The following ANK3 variants were observed in gnomAD, a reference collection of about 807,000 sequenced individuals.
ANK3 encodes the protein ankyrin-3.
In ANK3, 57 loss-of-function variants were observed where a neutral mutation model predicts 370.9. That is an observed-to-expected ratio of 0.15 (90% CI 0.12 to 0.19). ANK3 has a LOEUF of 0.19. Ranked by LOEUF, ANK3 falls within the 10% of genes least tolerant of loss-of-function variation. The pLI, the probability that ANK3 is intolerant of heterozygous loss-of-function variation, is 1.00. For synonymous variants in ANK3, 1,929 were observed against 1,946.3 expected, an observed-to-expected ratio of 0.99 and a Z score of 0.23; for missense variants, 4,439 against 5,302.1, an observed-to-expected ratio of 0.84 and a Z score of 5.06.
At chr10:60,572,988 T>A (rs1386339076) in intron 2 of ANK3, 11 of 988,312 alleles carry the variant, frequency 1.1e-5, no homozygotes, top group Non-Finnish European at 1.3e-5. Flanking sequence ...TCCCAGGGGC[T>A]GATTTGCTGC....
At position 60,119,279 on chromosome 10, in the gene ANK3, T is replaced by C. The variant is rs183013845; in HGVS notation, c.2842-4948A>G. On this transcript the variant is annotated intron_variant, in intron 25 of 43. Coordinates refer to ENST00000280772, the MANE Select transcript of ANK3 (RefSeq NM_020987.5). Reference sequence around the variant, plus strand: ...AACCTACGGTTTTATACATAGATACTGAATTGGTATTTCATTTCCATGCTA... The same window carrying C: ...AACCTACGGTTTTATACATAGATACCGAATTGGTATTTCATTTCCATGCTA... Among the ~76,000 whole-genome samples, 212 of 152,376 alleles carry C rather than the reference T, an allele frequency of 1.4e-3. 4 individuals are homozygous for C. Among genetic ancestry groups the C allele is most frequent in the Admixed American group, 7.7e-3 (118 of 15,302 alleles).
At chr10:60,491,030 AT>A (rs2075485977) in intron 2 of ANK3, among the ~76,000 whole-genome samples, 2 of 152,340 alleles carry the variant, frequency 1.3e-5, no homozygotes, top group African/African-American at 4.8e-5. Flanking sequence ...GGAATCATAT[AT>A]TATATACCCT....
chr10:60,495,049 G>A (rs537959126), intron 2 of ANK3, among the ~76,000 whole-genome samples: 3 of 152,056 alleles, frequency 2.0e-5, no homozygotes, highest in South Asian at 2.1e-4. Context: ...ACATGTCATC[G>A]CTCATCACTC....
At position 60,389,665 on chromosome 10, in the gene ANK3, G is replaced by C; in HGVS notation, c.-127C>G. On this transcript the variant is annotated 5_prime_UTR_variant, in exon 1 of 44. Coordinates refer to ENST00000280772, the MANE Select transcript of ANK3 (RefSeq NM_020987.5). The stretch of plus-strand genomic sequence containing the variant: ...GAGAGAAAGCTTTGACTAGAAGCAG[G>C]AAGATATTCACAATGCAAAGATGCT... 6.8e-7 allele frequency: 1 copy of C among 1,480,796 alleles called. No homozygotes were observed. The highest frequency in any genetic ancestry group is 8.9e-7 in the Non-Finnish European group (1 of 1,121,748). 91.7% of individuals were successfully genotyped at this position (1,480,796 alleles called of 1,614,324 possible).
chr10:60,210,738 C>A (rs541450245), intron 9 of ANK3, among the ~76,000 whole-genome samples: 26 of 152,268 alleles, frequency 1.7e-4, no homozygotes, highest in African/African-American at 4.1e-4. Flanking sequence ...AAATAAAAAA[C>A]CAGATGAGGG....
chr10:60,135,893 A>G (rs1180239933), intron 24 of ANK3, among the ~76,000 whole-genome samples: 1 of 152,100 alleles, frequency 6.6e-6, no homozygotes, highest in Non-Finnish European at 1.5e-5. Context: ...CTTCACTTTT[A>G]TCAGAATCTC....
intron 2 of ANK3, among the ~76,000 whole-genome samples, chr10:60,566,459 T>C (rs1174244082): frequency 1.3e-5 from 2 of 152,166 alleles, no homozygotes; most frequent in Non-Finnish European, 2.9e-5. Context: ...AAATTATGAA[T>C]GCAAAAAGCA....
intron 2 of ANK3, among the ~76,000 whole-genome samples, chr10:60,564,974 G>T (rs761612145): frequency 1.3e-4 from 19 of 151,994 alleles, no homozygotes; most frequent in Non-Finnish European, 2.1e-4. Flanking sequence ...TCTCCAATTT[G>T]CCCCTTAAAA....
Position 60,366,136 on chromosome 10 carries a change from G to A in ANK3, c.114+23289C>T, listed in dbSNP as rs147334589. ...GATCATCACTTGAGGTCAGAAGTTC[G>A]AGACCAGCCTGGTCAACATGGTGAA... On this transcript the variant is annotated intron_variant, in intron 1 of 43. Transcript: ENST00000280772. Among the ~76,000 whole-genome samples the A allele has an allele frequency of 5.2e-3, 785 of 151,966 alleles. 4 individuals carry two copies. Among genetic ancestry groups the A allele is most frequent in the South Asian group, 0.011 (51 of 4,798 alleles).
intron 2 of ANK3, among the ~76,000 whole-genome samples, chr10:60,467,955 C>G (rs1402675299): frequency 1.4e-5 from 2 of 147,894 alleles, no homozygotes; most frequent in East Asian, 4.0e-4. Flanking sequence ...TTTAATATTT[C>G]AAGATAAAAT....
At chr10:60,050,018 A>C (rs2077627453) in intron 42 of ANK3, among the ~76,000 whole-genome samples, 1 of 152,214 alleles carries the variant, frequency 6.6e-6, no homozygotes, top group Admixed American at 6.5e-5. Flanking sequence ...CATAAAAGAC[A>C]AGTTCGAAGC....
At chr10:60,370,866 A>C (rs1022082195) in intron 1 of ANK3, among the ~76,000 whole-genome samples, 3 of 152,178 alleles carry the variant, frequency 2.0e-5, no homozygotes, top group Non-Finnish European at 2.9e-5. Flanking sequence ...AACATTTCTT[A>C]CTTTGCAAAC....
At chr10:60,531,035 A>G (rs1355269581) in intron 2 of ANK3, among the ~76,000 whole-genome samples, 2 of 152,128 alleles carry the variant, frequency 1.3e-5, no homozygotes, top group Non-Finnish European at 2.9e-5. Flanking sequence ...AGAATCAGTG[A>G]GAATACAAAT....
At chr10:60,140,859 A>G (rs2094530034) in intron 23 of ANK3, 2 of 988,668 alleles carry the variant, frequency 2.0e-6, no homozygotes, top group African/African-American at 3.5e-5. Flanking sequence ...GTAGGGAGAG[A>G]GCGAAGTGCT....
chr10:60,589,895 C>G (rs376120692), intron 2 of ANK3, among the ~76,000 whole-genome samples: 7 of 152,142 alleles, frequency 4.6e-5, no homozygotes, highest in Non-Finnish European at 1.0e-4. Flanking sequence ...GAAGAAATAG[C>G]CTTCCTTTCA....
chr10:60,353,084 G>A (rs10740026), intron 1 of ANK3, among the ~76,000 whole-genome samples: 110,245 of 151,534 alleles, frequency 0.73, 40,634 homozygotes, highest in South Asian at 0.92. Context: ...CCCCAGCTCA[G>A]GCCATCCTCC....
Position 60,075,509 on chromosome 10 carries a change from G to C in ANK3, c.5372C>G (p.Ser1791Cys). The change falls in exon 37 of 44, where the codon TCT becomes TGT. Residue 1791 changes from serine (S) to cysteine (C), a missense_variant. Around this residue, in one of 13 missense-constraint regions of ANK3, gnomAD observed 679 missense variants for 791.0 expected, o/e 0.86. Transcript: ENST00000280772. ...YVSAAPSAFQ[S>C]LRTPSASALY... is the part of the protein sequence containing the mutation. The stretch of plus-strand genomic sequence containing the variant: ...TGCACTTGCGGAAGGAGTTCTTAGA[G>C]ACTGAAAAGCTGATGGTGCTGCAGA... The C allele has an allele frequency of 1.9e-6, 3 of 1,613,580 alleles. No homozygotes were observed. The highest frequency in any genetic ancestry group is 2.5e-6 in the Non-Finnish European group (3 of 1,179,996).
chr10:60,527,193 T>G (rs1295702699), intron 2 of ANK3, among the ~76,000 whole-genome samples: 1 of 152,084 alleles, frequency 6.6e-6, no homozygotes, highest in Non-Finnish European at 1.5e-5. Context: ...TAAACACCAT[T>G]TAAAAAATAC....
intron 17 of ANK3, among the ~76,000 whole-genome samples, chr10:60,186,054 A>C (rs765875801): frequency 6.6e-6 from 1 of 152,208 alleles, no homozygotes; most frequent in Non-Finnish European, 1.5e-5. Flanking sequence ...CGAAGGCAGC[A>C]ATGTTTCCCA....
Sources: allele counts gnomAD v4.1 joint callset (sites outside exome capture counted in the v4.1 genomes callset), GRCh38; gene constraint gnomAD v4.1.1; regional missense constraint gnomAD v4.1.1; transcripts MANE v1.5; gene names NCBI Gene and HGNC (gene_info 2026-07-23, HGNC 2026-07-21).